The following NDUFB3 variants were observed in gnomAD, a reference collection of about 807,000 sequenced individuals.
NDUFB3 encodes NADH:ubiquinone oxidoreductase subunit B3.
A neutral mutation model predicts 9.0 loss-of-function variants in NDUFB3; 7 were observed. The ratio of observed to expected loss-of-function variants is 0.78; its 90% confidence interval spans 0.44 to 1.46. NDUFB3 has a LOEUF of 1.46. Among genes scored for constraint, NDUFB3 ranks in the 40% most tolerant of loss-of-function variants. NDUFB3 has a pLI of 0.01. For missense variants in NDUFB3, 93 were observed against 115.4 expected, an observed-to-expected ratio of 0.81 and a Z score of 0.89; for synonymous variants, 29 against 38.5, an observed-to-expected ratio of 0.75 and a Z score of 0.91.
chr2:201,081,259 G>A (rs1422027033), intron 2 of NDUFB3, among the ~76,000 whole-genome samples: 1 of 151,832 alleles, frequency 6.6e-6, no homozygotes, highest in Non-Finnish European at 1.5e-5. Flanking sequence ...CGAGGCGGGT[G>A]GATCACTTAA....
intron 1 of NDUFB3, among the ~76,000 whole-genome samples, chr2:201,078,056 A>C (rs1472291612): frequency 6.6e-6 from 1 of 151,964 alleles, no homozygotes; most frequent in Admixed American, 6.6e-5. Flanking sequence ...TAATCCCAGC[A>C]CTTTGGGAGG....
intron 1 of NDUFB3, among the ~76,000 whole-genome samples, chr2:201,074,454 C>CTTTTTT (rs370282012): frequency 8.8e-6 from 1 of 113,196 alleles, no homozygotes; most frequent in Non-Finnish European, 1.8e-5. Flanking sequence ...ATATGTTCAG[C>CTTTTTT]TTTTTTTTTT....
chr2:201,077,032 G>A lies in NDUFB3; in HGVS notation c.-2-1849G>A, dbSNP rs369454407. Among the ~76,000 whole-genome samples the A allele has an allele frequency of 3.4e-4, 52 of 152,056 alleles. No homozygotes were observed. In the South Asian group the frequency reaches 6.0e-3, roughly 18 times the overall value. On this transcript the variant is annotated intron_variant, in intron 1 of 2. Transcript: ENST00000237889. ...GGAGAATCGCTTGAACCCAGGAGGC[G>A]GAGGTTGCAGTGAGCCGAGATTGCA...
At chr2:201,079,111 T>C in intron 2 of NDUFB3, 89 bp downstream of exon 2, 5 of 1,373,260 alleles carry the variant, frequency 3.6e-6, no homozygotes, top group East Asian at 2.6e-5. Flanking sequence ...TAGAGAATCA[T>C]GAAAAATGGC....
chr2:201,078,024 C>T (rs955333138), intron 1 of NDUFB3, among the ~76,000 whole-genome samples: 4 of 151,132 alleles, frequency 2.6e-5, no homozygotes, highest in Admixed American at 1.3e-4. Context: ...AGCAGGGGGC[C>T]GGGTGCGGTG....
intron 2 of NDUFB3, among the ~76,000 whole-genome samples, chr2:201,081,741 T>A (rs981651268): frequency 2.0e-5 from 3 of 151,714 alleles, no homozygotes; most frequent in African/African-American, 7.3e-5. Flanking sequence ...CTCTGCCTCC[T>A]GGGTTTAAGC....
chr2:201,078,809 TAAAC>T (rs1349354577), intron 1 of NDUFB3, 68 bp from the exon 2 acceptor site: 4 of 1,405,364 alleles, frequency 2.8e-6, no homozygotes, highest in Non-Finnish European at 2.9e-6. Flanking sequence ...CCTTAAAACA[TAAAC>T]AATAAATTTG....
intron 1 of NDUFB3, among the ~76,000 whole-genome samples, chr2:201,072,570 G>A (rs1406840563): frequency 6.6e-6 from 1 of 152,136 alleles, no homozygotes; most frequent in Non-Finnish European, 1.5e-5. Context: ...TGATCTTCAT[G>A]AGACTTTTAG....
chr2:201,075,237 T>C (rs564820170), intron 1 of NDUFB3, among the ~76,000 whole-genome samples: 2 of 150,696 alleles, frequency 1.3e-5, no homozygotes, highest in East Asian at 1.9e-4. Flanking sequence ...AGAGAAAGTG[T>C]TTTCAACTTT....
chr2:201,085,404 A>G (rs767114893), intron 2 of NDUFB3, 55 bp from the exon 3 acceptor site: 80 of 1,348,348 alleles, frequency 5.9e-5, no homozygotes, highest in South Asian at 4.9e-4. Context: ...AATGTCTTCA[A>G]CGTATATACA....
Position 201,085,443 on chromosome 2 carries a change from C to CT in NDUFB3, c.141-5dup, listed in dbSNP as rs534968379. On this transcript the variant is annotated splice_polypyrimidine_tract_variant and intron_variant, in intron 2 of 2. Coordinates refer to ENST00000237889, the MANE Select transcript of NDUFB3 (RefSeq NM_002491.3). ...ACGTTGTGTATGATTATAATTTTTT[C>CT]TTTTTTTTTTTCTAGCAATGAAGCT... The CT allele has an allele frequency of 0.1, 106,050 of 1,024,940 alleles. 352 individuals carry two copies. The highest frequency in any genetic ancestry group is 0.16 in the South Asian group (9,319 of 58,932). The allele number at this position is 1,024,940 out of a possible 1,614,324, so 63.5% of individuals were successfully genotyped here. A position where few individuals can be genotyped will look rare whatever the true frequency, so the allele number is the denominator to read the frequency against.
chr2:201,080,607 A>G (rs956817059), intron 2 of NDUFB3, among the ~76,000 whole-genome samples: 3 of 151,346 alleles, frequency 2.0e-5, no homozygotes, highest in African/African-American at 7.3e-5. Context: ...TATGGGATCT[A>G]TGTCTGGACT....
At chr2:201,083,352 T>C (rs1277388945) in intron 2 of NDUFB3, among the ~76,000 whole-genome samples, 1 of 73,948 alleles carries the variant, frequency 1.4e-5, no homozygotes, top group Non-Finnish European at 2.6e-5. Context: ...TTATTATTTC[T>C]TTTTTTTTTT....
At chr2:201,076,848 C>T (rs774206457) in intron 1 of NDUFB3, among the ~76,000 whole-genome samples, 1 of 152,150 alleles carries the variant, frequency 6.6e-6, no homozygotes, top group South Asian at 2.1e-4. Flanking sequence ...CGCCTGTAAT[C>T]CCAGCACTTT....
At chr2:201,072,992 A>T (rs547384789) in intron 1 of NDUFB3, among the ~76,000 whole-genome samples, 1 of 152,312 alleles carries the variant, frequency 6.6e-6, no homozygotes, top group Admixed American at 6.5e-5. Flanking sequence ...ATAAACAGTT[A>T]TACAGTATAT....
chr2:201,075,947 G>A (rs2047158781), intron 1 of NDUFB3, among the ~76,000 whole-genome samples: 2 of 152,112 alleles, frequency 1.3e-5, no homozygotes, highest in Admixed American at 6.6e-5. Flanking sequence ...TTAAAATGAA[G>A]CCTTATTTTA....
intron 1 of NDUFB3, among the ~76,000 whole-genome samples, chr2:201,072,970 G>A (rs2047106089): frequency 6.6e-6 from 1 of 152,058 alleles, no homozygotes; most frequent in Non-Finnish European, 1.5e-5. Flanking sequence ...TCCCTCCAAA[G>A]GGCCACAGTA....
At chr2:201,082,311 A>G (rs1445651515) in intron 2 of NDUFB3, among the ~76,000 whole-genome samples, 1 of 151,268 alleles carries the variant, frequency 6.6e-6, no homozygotes, top group African/African-American at 2.4e-5. Flanking sequence ...GTCGCCCAGG[A>G]TGGAGTGCAA....
chr2:201,085,403 A>G (rs2047279570), intron 2 of NDUFB3, 56 bp from the exon 3 acceptor site: 6 of 1,341,624 alleles, frequency 4.5e-6, no homozygotes, highest in African/African-American at 2.9e-5. Flanking sequence ...AAATGTCTTC[A>G]ACGTATATAC....
Sources: gnomAD v4.1 joint callset for allele counts (sites outside exome capture counted in the v4.1 genomes callset) on GRCh38, gnomAD v4.1.1 for gene constraint, MANE v1.5 for transcripts, NCBI Gene and HGNC (gene_info 2026-07-23, HGNC 2026-07-21) for gene names.